The following STOML3 variants were observed in gnomAD, a reference collection of about 807,000 sequenced individuals.
The protein encoded by STOML3 is stomatin like 3.
Under a neutral mutation model 29.5 loss-of-function variants are expected in STOML3, and 31 were observed. The observed-to-expected ratio is 1.05, with a 90% CI of 0.79 to 1.42. The LOEUF is 1.42. Ranked by LOEUF, STOML3 falls within the 40% of genes most tolerant of loss-of-function variation. The pLI is 0.00. For missense variants in STOML3, 380 were observed against 363.0 expected (o/e 1.05, Z -0.38); for synonymous variants, 122 against 139.8 (o/e 0.87, Z 0.90).
chr13:38,981,283 C>T (rs748754667), intron 1 of STOML3, among the ~76,000 whole-genome samples: 5 of 152,084 alleles, frequency 3.3e-5, no homozygotes, highest in Non-Finnish European at 5.9e-5. Flanking sequence ...CAAGGTTTAT[C>T]GGTGGAGGCA....
intron 4 of STOML3, among the ~76,000 whole-genome samples, chr13:38,971,816 T>C (rs1335984747): frequency 6.6e-6 from 1 of 152,002 alleles, no homozygotes; most frequent in Admixed American, 6.6e-5. Flanking sequence ...TCCCAGCTAC[T>C]TGGGAGGCTG....
At chr13:38,988,151 C>A (rs1175556559) in intron 1 of STOML3, among the ~76,000 whole-genome samples, 9 of 80,114 alleles carry the variant, frequency 1.1e-4, no homozygotes, top group African/African-American at 3.4e-4. Flanking sequence ...TATTTTATAT[C>A]ATATATTTTA....
chr13:38,985,311 T>C (rs1318630689), intron 1 of STOML3, among the ~76,000 whole-genome samples: 1 of 152,060 alleles, frequency 6.6e-6, no homozygotes, highest in Non-Finnish European at 1.5e-5. Context: ...TAATCCCAGC[T>C]GCTCAAAAGG....
At chr13:38,986,060 T>TTG (rs1868530796) in intron 1 of STOML3, among the ~76,000 whole-genome samples, 5 of 146,136 alleles carry the variant, frequency 3.4e-5, no homozygotes, top group South Asian at 2.2e-4. Flanking sequence ...TTTTTTGGTT[T>TTG]GTTTGTTTTT....
chr13:38,976,029 G>A (rs538276529), intron 3 of STOML3, among the ~76,000 whole-genome samples: 3 of 151,992 alleles, frequency 2.0e-5, no homozygotes, highest in Non-Finnish European at 4.4e-5. Flanking sequence ...AAAACCAAGG[G>A]ATTTGGCCAA....
At chr13:38,983,842 G>T (rs1019175393) in intron 1 of STOML3, among the ~76,000 whole-genome samples, 6 of 152,082 alleles carry the variant, frequency 3.9e-5, no homozygotes, top group South Asian at 2.1e-4. Context: ...TTTACCATTT[G>T]CTTTCTCTCT....
At position 38,966,216 on chromosome 13, in the gene STOML3, C is replaced by T. The variant is rs7990956; in HGVS notation, c.*609G>A. On this transcript the variant is annotated 3_prime_UTR_variant, in exon 7 of 7. Coordinates refer to ENST00000379631, the MANE Select transcript of STOML3 (RefSeq NM_145286.3). Reference sequence around the variant, plus strand: ...ATGGTGCTGGAAGGTGGAGAGTTGGCCACTCCCTGCAGGACACACAGCAAG... The same window carrying T: ...ATGGTGCTGGAAGGTGGAGAGTTGGTCACTCCCTGCAGGACACACAGCAAG... The T allele has an allele frequency of 0.23, 34,442 of 152,150 alleles. 4,012 individuals are homozygous for T. The highest frequency in any genetic ancestry group is 0.37 in the Middle Eastern group (107 of 292). The allele number at this position is 152,150 out of a possible 1,614,324, so 9.4% of individuals were successfully genotyped here. A position where few individuals can be genotyped will look rare whatever the true frequency, so the allele number is the denominator to read the frequency against.
chr13:38,968,763 A>G (rs528338694), intron 5 of STOML3, among the ~76,000 whole-genome samples: 1 of 152,324 alleles, frequency 6.6e-6, no homozygotes, highest in South Asian at 2.1e-4. Context: ...TAAATCTGGC[A>G]GACCTTTTAG....
At chr13:38,975,925 G>A (rs1477892317) in intron 3 of STOML3, among the ~76,000 whole-genome samples, 1 of 152,056 alleles carries the variant, frequency 6.6e-6, no homozygotes, top group Non-Finnish European at 1.5e-5. Context: ...TATACTAGAT[G>A]TTAGAAGGCC....
chr13:38,970,395 A>T lies in STOML3; in HGVS notation c.313-7T>A, dbSNP rs1880820085. The T allele has an allele frequency of 6.2e-7, 1 of 1,612,706 alleles. No homozygotes were observed. Among genetic ancestry groups the T allele is most frequent in the Non-Finnish European group, 8.5e-7 (1 of 1,178,910 alleles). On this transcript the variant is annotated splice_region_variant and splice_polypyrimidine_tract_variant and intron_variant, in intron 4 of 6. Coordinates refer to ENST00000379631, the MANE Select transcript of STOML3 (RefSeq NM_145286.3). ...CGGAGTCTCTGGTGAGGATCTGTGG[A>T]GTAAGAACAGGGCAAAATCACTTAT... is the stretch of plus-strand genomic sequence containing the variant.
intron 3 of STOML3, among the ~76,000 whole-genome samples, chr13:38,975,814 AAAAC>A (rs1158780904): frequency 1.4e-4 from 21 of 152,310 alleles, no homozygotes; most frequent in Non-Finnish European, 2.4e-4. Context: ...GCAAAAACAA[AAAAC>A]AAACAAAGAA....
At chr13:38,977,885 G>A (rs1881143195) in intron 1 of STOML3, among the ~76,000 whole-genome samples, 2 of 148,184 alleles carry the variant, frequency 1.3e-5, no homozygotes, top group Admixed American at 6.8e-5. Context: ...TCAGCCTCCC[G>A]AGTAGCTGGG....
At chr13:38,987,634 C>T (rs911388757) in intron 1 of STOML3, among the ~76,000 whole-genome samples, 10 of 144,078 alleles carry the variant, frequency 6.9e-5, no homozygotes, top group African/African-American at 2.6e-4. Context: ...GCTTACAGGA[C>T]TGAATAACAT....
At chr13:38,969,405 T>A (rs1356883449) in intron 5 of STOML3, among the ~76,000 whole-genome samples, 3 of 152,186 alleles carry the variant, frequency 2.0e-5, no homozygotes, top group African/African-American at 7.2e-5. Context: ...GTCAGTGACC[T>A]GGCTGTGGAT....
In STOML3 at chr13:38,990,771, C is replaced by A; in HGVS notation, c.-50G>T. 1.3e-6 allele frequency: 2 copies of A among 1,588,100 alleles called. No homozygotes were observed. The highest frequency in any genetic ancestry group is 1.7e-6 in the Non-Finnish European group (2 of 1,158,172). ...TTGGCAATTTTTCATGGGTTTGGAG[C>A]TAAGTGTGAAGAACAGGCAGCAACT... On this transcript the variant is annotated 5_prime_UTR_variant, in exon 1 of 7. Coordinates refer to ENST00000379631, the MANE Select transcript of STOML3 (RefSeq NM_145286.3).
chr13:38,990,681 T>C lies in STOML3; in HGVS notation c.41A>G (p.Glu14Gly). Residue 14 changes from glutamate to glycine, a missense_variant, in exon 1 of 7, where the codon GAG becomes GGG. Coordinates refer to ENST00000379631, the MANE Select transcript of STOML3 (RefSeq NM_145286.3). ...RVSSPEKQDK[E>G]NFVGVNNKRL... ...AAAAAGGAACTTACCCACGAAATTC[T>C]CTTTATCTTGCTTCTCAGGTGAAGA... The C allele has an allele frequency of 6.2e-7, 1 of 1,614,018 alleles. No individual in the cohort carries two copies. Among genetic ancestry groups the C allele is most frequent in the Non-Finnish European group, 8.5e-7 (1 of 1,179,948 alleles).
chr13:38,990,572 A>G, intron 1 of STOML3, 98 bp downstream of exon 1: 1 of 1,205,594 alleles, frequency 8.3e-7, no homozygotes, highest in South Asian at 1.7e-5. Context: ...ATTTCTGCAA[A>G]TATATCTCAT....
chr13:38,968,491 G>A lies in STOML3; in HGVS notation c.560C>T (p.Ala187Val), dbSNP rs150203341. The A allele has an allele frequency of 1.5e-4, 236 of 1,614,130 alleles. No individual in the cohort carries two copies. The African/African-American group carries it at 2.9e-3, about 20-fold the overall frequency. The change falls in exon 6 of 7, where the codon GCC becomes GTC. Residue 187 changes from alanine to valine, a missense_variant. Coordinates refer to ENST00000379631, the MANE Select transcript of STOML3 (RefSeq NM_145286.3). ...DATELWGIRVARVEIKDVRIP... is the reference protein window; with the variant it reads ...DATELWGIRVVRVEIKDVRIP... ...CCGAACATCTTTGATTTCCACTCGGGCCACCCGGATCCCCCACAGTTCGGT... is the reference window on the plus strand; with the variant it reads ...CCGAACATCTTTGATTTCCACTCGGACCACCCGGATCCCCCACAGTTCGGT...
At chr13:38,989,117 T>G (rs187297415) in intron 1 of STOML3, among the ~76,000 whole-genome samples, 213 of 151,356 alleles carry the variant, frequency 1.4e-3, no homozygotes, top group African/African-American at 5.1e-3. Context: ...CAGAGAATGG[T>G]CCACACTGTA....
Sources: gnomAD v4.1 joint callset for allele counts (sites outside exome capture counted in the v4.1 genomes callset) on GRCh38, gnomAD v4.1.1 for gene constraint, MANE v1.5 for transcripts, NCBI Gene and HGNC (gene_info 2026-07-23, HGNC 2026-07-21) for gene names.